Variants in TMCC1 observed in about 807,000 individuals in gnomAD.
TMCC1 encodes the protein transmembrane and coiled-coil domains protein 1.
TMCC1 carries 15 observed loss-of-function variants against 52.4 expected under a neutral mutation model. The ratio of observed to expected loss-of-function variants is 0.29; its 90% CI spans 0.19 to 0.44. TMCC1 has a LOEUF of 0.44. Among genes scored for constraint, TMCC1 ranks in the 20% least tolerant of loss-of-function variants. The pLI is 1.00. For missense variants in TMCC1, 503 were observed against 806.0 expected (o/e 0.62, Z 4.55); for synonymous variants, 279 against 301.9 (o/e 0.92, Z 0.79).
At chr3:129,749,134 AT>A (rs1479409482) in intron 4 of TMCC1, among the ~76,000 whole-genome samples, 2 of 151,838 alleles carry the variant, frequency 1.3e-5, no homozygotes, top group Admixed American at 6.6e-5. Flanking sequence ...ACCAAAAAAA[AT>A]AATAATAATA....
chr3:129,863,557 T>G (rs72987386), intron 2 of TMCC1, among the ~76,000 whole-genome samples: 15,498 of 152,040 alleles, frequency 0.1, 965 homozygotes, highest in African/African-American at 0.17. Flanking sequence ...GAACCAATCC[T>G]CACTCAATAA....
intron 1 of TMCC1, among the ~76,000 whole-genome samples, chr3:129,890,953 C>T (rs1406130898): frequency 1.3e-5 from 2 of 152,118 alleles, no homozygotes; most frequent in East Asian, 3.8e-4. Flanking sequence ...CGGAAAGGTA[C>T]CATCCTATTA....
intron 4 of TMCC1, among the ~76,000 whole-genome samples, chr3:129,739,431 T>G (rs1309653497): frequency 2.0e-5 from 3 of 152,170 alleles, no homozygotes; most frequent in Non-Finnish European, 4.4e-5. Context: ...CCTCCCAAAG[T>G]GCTGAGATTG....
chr3:129,759,709 ACTTTTTTTT>A (rs1368677628), intron 4 of TMCC1, among the ~76,000 whole-genome samples: 14 of 98,358 alleles, frequency 1.4e-4, no homozygotes, highest in African/African-American at 5.5e-4. Flanking sequence ...AGCCAGCCAA[ACTTTTTTTT>A]TTTTTTTTTT....
intron 4 of TMCC1, among the ~76,000 whole-genome samples, chr3:129,747,444 AAATT>A (rs2107647952): frequency 6.6e-6 from 1 of 152,324 alleles, no homozygotes; most frequent in Non-Finnish European, 1.5e-5. Context: ...TATTGTTTCA[AAATT>A]ATTTATAAAT....
intron 2 of TMCC1, among the ~76,000 whole-genome samples, chr3:129,866,597 G>A (rs989546903): frequency 9.2e-5 from 14 of 151,562 alleles, no homozygotes; most frequent in Non-Finnish European, 1.0e-4. Context: ...GGCTGGTCTC[G>A]AACTCCCAAC....
At chr3:129,869,063 C>T (rs1406319502) in intron 2 of TMCC1, 2 of 151,984 alleles carry the variant, frequency 1.3e-5, no homozygotes, top group East Asian at 3.9e-4. Flanking sequence ...TGAGTTTATA[C>T]TAATTAGGTG....
chr3:129,655,193 C>A, intron 5 of TMCC1, 90 bp from the exon 6 acceptor site: 1 of 1,478,320 alleles, frequency 6.8e-7, no homozygotes, highest in Non-Finnish European at 9.1e-7. Context: ...ACACATTCTA[C>A]AAAGGAATAG....
At chr3:129,749,355 T>C (rs1286311849) in intron 4 of TMCC1, among the ~76,000 whole-genome samples, 1 of 152,116 alleles carries the variant, frequency 6.6e-6, no homozygotes, top group African/African-American at 2.4e-5. Flanking sequence ...TGAGAATAAA[T>C]GACTGTAGTC....
chr3:129,886,626 G>C (rs1055159940), intron 1 of TMCC1, among the ~76,000 whole-genome samples: 1 of 152,132 alleles, frequency 6.6e-6, no homozygotes, highest in East Asian at 1.9e-4. Context: ...TAAAAACACT[G>C]TTAAGTGAAA....
At chr3:129,848,435 A>ACT (rs1354402120) in intron 2 of TMCC1, 1 of 152,200 alleles carries the variant, frequency 6.6e-6, no homozygotes, top group Non-Finnish European at 1.5e-5. Context: ...GTGAATATAC[A>ACT]CAGGATAAAA....
At chr3:129,784,915 G>A (rs963134678) in intron 4 of TMCC1, among the ~76,000 whole-genome samples, 22 of 151,996 alleles carry the variant, frequency 1.4e-4, no homozygotes, top group African/African-American at 4.8e-4. Flanking sequence ...AGGAGTTTGA[G>A]GCTGCAGTAA....
chr3:129,705,608 T>TC (rs1477213023), intron 4 of TMCC1, among the ~76,000 whole-genome samples: 1 of 134,330 alleles, frequency 7.4e-6, no homozygotes, highest in African/African-American at 2.5e-5. Context: ...TGAAACACTT[T>TC]TTTTTTTTTT....
rs112058384 is a variant in TMCC1, at chr3:129,763,779, T to C, written c.576+64024A>G. 2.0e-3 allele frequency among the ~76,000 whole-genome samples: 306 copies of C among 151,504 alleles called. 4 individuals are homozygous for C. The highest frequency in any genetic ancestry group is 7.1e-3 in the African/African-American group (293 of 41,290). On this transcript the variant is annotated intron_variant, in intron 4 of 6. Transcript: ENST00000393238. ...AGGCAGGGGTTGTAGTGAGCTAAGA[T>C]AGTGTCACAGCACTCCAGCCTGGGA...
At chr3:129,877,649 CAGAG>C (rs1296369914) in intron 2 of TMCC1, among the ~76,000 whole-genome samples, 1 of 123,760 alleles carries the variant, frequency 8.1e-6, no homozygotes, top group African/African-American at 3.2e-5. Flanking sequence ...TTTTTTGAGA[CAGAG>C]AGTCTCACTC....
chr3:129,773,062 G>T (rs1011337821), intron 4 of TMCC1, among the ~76,000 whole-genome samples: 3 of 152,104 alleles, frequency 2.0e-5, no homozygotes, highest in Non-Finnish European at 4.4e-5. Flanking sequence ...ACATAAACAA[G>T]CCTATTCACT....
intron 4 of TMCC1, among the ~76,000 whole-genome samples, chr3:129,712,624 T>A (rs566106331): frequency 3.9e-4 from 59 of 150,076 alleles, no homozygotes; most frequent in South Asian, 3.2e-3. Flanking sequence ...ATTAAAAAAA[T>A]TTTTTTTTTG....
intron 4 of TMCC1, among the ~76,000 whole-genome samples, chr3:129,716,595 C>T (rs1414111492): frequency 7.3e-5 from 11 of 151,102 alleles, no homozygotes; most frequent in Admixed American, 2.6e-4. Context: ...GTGATCTGCC[C>T]GCCTCGGCCT....
chr3:129,728,147 G>T (rs2050252477), intron 4 of TMCC1, among the ~76,000 whole-genome samples: 1 of 152,068 alleles, frequency 6.6e-6, no homozygotes, highest in Non-Finnish European at 1.5e-5. Flanking sequence ...GGACATTTAG[G>T]GATATAAAAA....
Sources: gnomAD v4.1 joint callset for allele counts (sites outside exome capture counted in the v4.1 genomes callset) on GRCh38, gnomAD v4.1.1 for gene constraint, MANE v1.5 for transcripts, NCBI Gene and HGNC (gene_info 2026-07-23, HGNC 2026-07-21) for gene names.